Variants in PRKN observed in about 807,000 individuals in gnomAD.
PRKN encodes the protein parkin RBR E3 ubiquitin protein ligase, also known as E3 ubiquitin-protein ligase parkin.
Under a neutral mutation model 59.5 loss-of-function variants are expected in PRKN, and 56 were observed. The observed-to-expected ratio is 0.94, with a 90% CI of 0.76 to 1.18. The LOEUF is 1.18. PRKN is among the 50% of genes most tolerant of loss of function. The probability of loss-of-function intolerance (pLI) is 0.00; values close to 1 mark genes in which losing one functional copy is unlikely to be tolerated. For synonymous variants in PRKN, 250 were observed against 222.1 expected, an observed-to-expected ratio of 1.13 and a Z score of -1.12; for missense variants, 657 against 596.4, an observed-to-expected ratio of 1.10 and a Z score of -1.06.
rs35631679 is a variant in PRKN, at chr6:162,439,340, TTC to T, written c.171+3968_171+3969del. Among the ~76,000 whole-genome samples, 605 of 134,370 alleles carry T rather than the reference TTC, an allele frequency of 4.5e-3. 1 individual carries two copies. The highest frequency in any genetic ancestry group is 4.5e-3 in the Admixed American group (59 of 13,146). 88.2% of individuals were successfully genotyped at this position (134,370 alleles called of 152,430 possible). On this transcript the variant is annotated intron_variant, in intron 2 of 11. Transcript: ENST00000366898. ...CCTTCCCCCTTCCTTTACCCCTCCC[TTC>T]TCTCTCTCTCTCTCTCTCTCTCTGC... is the stretch of plus-strand genomic sequence containing the variant.
intron 6 of PRKN, among the ~76,000 whole-genome samples, chr6:161,945,027 T>C (rs1313253198): frequency 6.6e-6 from 1 of 152,208 alleles, no homozygotes. Flanking sequence ...TTGTCAGTAT[T>C]GTCAGTGTAA....
intron 5 of PRKN, among the ~76,000 whole-genome samples, chr6:161,988,443 C>T (rs1236803414): frequency 1.3e-5 from 2 of 151,744 alleles, no homozygotes; most frequent in African/African-American, 2.4e-5. Flanking sequence ...GGCGAGATCC[C>T]GCACTGCACT....
At chr6:162,491,403 C>A (rs952029015) in intron 1 of PRKN, among the ~76,000 whole-genome samples, 1 of 152,204 alleles carries the variant, frequency 6.6e-6, no homozygotes, top group Non-Finnish European at 1.5e-5. Context: ...CCATGCTTCA[C>A]TGGGTCTCCA....
intron 2 of PRKN, among the ~76,000 whole-genome samples, chr6:162,284,205 T>C: frequency 7.1e-6 from 1 of 141,504 alleles, no homozygotes; most frequent in South Asian, 2.4e-4. Flanking sequence ...ATGTATTGTG[T>C]TATTTCTTTC....
At chr6:162,672,295 T>C (rs910503114) in intron 1 of PRKN, among the ~76,000 whole-genome samples, 4 of 152,234 alleles carry the variant, frequency 2.6e-5, no homozygotes, top group South Asian at 2.1e-4. Context: ...AAACATACCA[T>C]TGTGAAAAAA....
chr6:162,343,328 T>C (rs1419069301), intron 2 of PRKN, among the ~76,000 whole-genome samples: 1 of 152,204 alleles, frequency 6.6e-6, no homozygotes, highest in Non-Finnish European at 1.5e-5. Context: ...GCACCTCACA[T>C]TCTCCACCCC....
chr6:162,340,342 T>G (rs1047813449), intron 2 of PRKN, among the ~76,000 whole-genome samples: 3 of 152,178 alleles, frequency 2.0e-5, no homozygotes, highest in Non-Finnish European at 4.4e-5. Flanking sequence ...TTTAATTCAT[T>G]GTTCTGAAAA....
At chr6:162,038,311 GTGGAAAAGGC>G (rs1783926397) in intron 5 of PRKN, among the ~76,000 whole-genome samples, 1 of 152,146 alleles carries the variant, frequency 6.6e-6, no homozygotes, top group African/African-American at 2.4e-5. Context: ...TGTAGTCTTT[GTGGAAAAGGC>G]TGGAGAATGC....
At chr6:162,430,158 T>TGAC (rs35797400) in intron 2 of PRKN, among the ~76,000 whole-genome samples, 27,349 of 144,020 alleles carry the variant, frequency 0.19, 3,101 homozygotes, top group Non-Finnish European at 0.23. Context: ...ATGATGACGA[T>TGAC]GACGACGACG....
At chr6:161,524,189 G>T (rs1293223065) in intron 9 of PRKN, among the ~76,000 whole-genome samples, 1 of 152,034 alleles carries the variant, frequency 6.6e-6, no homozygotes, top group African/African-American at 2.4e-5. Context: ...TTAGATCGTG[G>T]ACTCCCTGAG....
At chr6:162,440,040 A>G (rs1423373249) in intron 2 of PRKN, among the ~76,000 whole-genome samples, 5 of 152,224 alleles carry the variant, frequency 3.3e-5, no homozygotes, top group African/African-American at 9.6e-5. Flanking sequence ...AGTTGCTGGG[A>G]GGAAGAGGGA....
intron 7 of PRKN, among the ~76,000 whole-genome samples, chr6:161,617,137 G>T (rs547736391): frequency 2.6e-5 from 4 of 152,092 alleles, no homozygotes; most frequent in Non-Finnish European, 5.9e-5. Flanking sequence ...TTGTGGTTTT[G>T]ATTTCATTTC....
chr6:162,034,159 G>A (rs1288206946), intron 5 of PRKN, among the ~76,000 whole-genome samples: 1 of 142,304 alleles, frequency 7.0e-6, no homozygotes, highest in African/African-American at 2.6e-5. Context: ...GTGTGTGTGT[G>A]TACACATACA....
At chr6:162,151,346 T>C (rs1313818091) in intron 4 of PRKN, among the ~76,000 whole-genome samples, 5 of 152,138 alleles carry the variant, frequency 3.3e-5, no homozygotes, top group African/African-American at 1.2e-4. Context: ...TCTTAGAAAA[T>C]GAAATTTCAT....
intron 2 of PRKN, among the ~76,000 whole-genome samples, chr6:162,349,683 G>A (rs73602231): frequency 0.033 from 5,060 of 152,230 alleles, 276 homozygotes; most frequent in African/African-American, 0.12. Context: ...AAAACGGGAA[G>A]AGAAGTAAAC....
chr6:161,390,231 C>G lies in PRKN; in HGVS notation c.1084-3354G>C, dbSNP rs1380271073. Among the ~76,000 whole-genome samples the G allele has an allele frequency of 2.6e-5, 4 of 152,218 alleles. No homozygotes were observed. Among genetic ancestry groups the G allele is most frequent in the African/African-American group, 9.7e-5 (4 of 41,450 alleles). On this transcript the variant is annotated intron_variant, in intron 9 of 11. Transcript: ENST00000366898. This position sits in a 1 kb window ranked among gnomAD's most constrained non-coding sequence, Gnocchi z 7.0. ...CAAGACTCTCAACCTTCAGTTCTCA[C>G]ACTACGCACCAGAGTGCCCTGCGGT...
chr6:162,505,528 TC>T (rs1017130877), intron 1 of PRKN, among the ~76,000 whole-genome samples: 2 of 152,102 alleles, frequency 1.3e-5, no homozygotes, highest in African/African-American at 4.8e-5. Flanking sequence ...CAAGCTCCCT[TC>T]CCCCATGTCA....
chr6:161,422,770 G>GA (rs1413032263), intron 9 of PRKN, among the ~76,000 whole-genome samples: 1 of 152,020 alleles, frequency 6.6e-6, no homozygotes. Context: ...AGAGAAAAAG[G>GA]AAAAAATGCC....
rs188544369 is a variant in PRKN, at chr6:162,615,130, T to C, written c.7+112532A>G. Reference sequence around the variant, plus strand: ...TACCTTAAGTAGCAATAGTACAATTTATTTTGTCTCCAAGTTTATTGTGCT... The same window carrying C: ...TACCTTAAGTAGCAATAGTACAATTCATTTTGTCTCCAAGTTTATTGTGCT... On this transcript the variant is annotated intron_variant, in intron 1 of 11. Transcript: ENST00000366898. Among the ~76,000 whole-genome samples the C allele has an allele frequency of 9.8e-4, 149 of 152,334 alleles. 2 individuals carry two copies. The highest frequency in any genetic ancestry group is 1.1e-3 in the Non-Finnish European group (74 of 68,032).
Sources: gnomAD v4.1 joint callset for allele counts (sites outside exome capture counted in the v4.1 genomes callset) on GRCh38, gnomAD v4.1.1 for gene constraint, Gnocchi (gnomAD v3.1) non-coding constraint, MANE v1.5 for transcripts, NCBI Gene and HGNC (gene_info 2026-07-23, HGNC 2026-07-21) for gene names.